The following EXOG variants were observed in gnomAD, a reference collection of about 807,000 sequenced individuals.
EXOG encodes nuclease EXOG, mitochondrial.
EXOG carries 27 observed loss-of-function variants against 25.8 expected under a neutral mutation model. The observed-to-expected ratio is 1.05, with a 90% CI of 0.77 to 1.45. EXOG has a LOEUF of 1.45. Among genes scored for constraint, EXOG ranks in the 40% most tolerant of loss-of-function variants. EXOG has a pLI of 0.00. For missense variants in EXOG, 458 were observed against 450.5 expected, an observed-to-expected ratio of 1.02 and a Z score of -0.15; for synonymous variants, 133 against 167.0, an observed-to-expected ratio of 0.80 and a Z score of 1.57.
intron 4 of EXOG, among the ~76,000 whole-genome samples, chr3:38,504,843 G>T (rs2060155301): frequency 6.6e-6 from 1 of 152,116 alleles, no homozygotes; most frequent in Non-Finnish European, 1.5e-5. Flanking sequence ...ACGGTTTGAG[G>T]TTCTTTCAGG....
chr3:38,498,965 TTCTC>T (rs780940535), intron 2 of EXOG: 4 of 456,596 alleles, frequency 8.8e-6, no homozygotes, highest in African/African-American at 8.0e-5. Flanking sequence ...TCATTGTTTC[TTCTC>T]TCTCTCAACC....
intron 1 of EXOG, chr3:38,496,828 G>C: frequency 1.4e-6 from 2 of 1,381,762 alleles, no homozygotes; most frequent in South Asian, 1.2e-5. Context: ...TTTAATGTCT[G>C]TGTTCTCTAC....
intron 2 of EXOG, 142 bp downstream of exon 2, chr3:38,497,920 T>A: frequency 9.2e-7 from 1 of 1,085,902 alleles, no homozygotes; most frequent in Non-Finnish European, 1.3e-6. Flanking sequence ...ACTTACTGGT[T>A]AAATCAACCC....
At chr3:38,502,736 C>T (rs936950716) in intron 3 of EXOG, among the ~76,000 whole-genome samples, 6 of 151,988 alleles carry the variant, frequency 3.9e-5, no homozygotes, top group Non-Finnish European at 8.8e-5. Flanking sequence ...TTTTTTGATT[C>T]AGTATTCAAT....
At position 38,524,274 on chromosome 3, in the gene EXOG, A is replaced by G. The variant is rs775732431; in HGVS notation, c.1019A>G (p.Asp340Gly). The change falls in exon 6 of 6, where the codon GAT becomes GGT. Residue 340 changes from aspartate to glycine, a missense_variant. Asp to Gly is a moderately conservative substitution (Grantham distance 94). Transcript: ENST00000287675. Reference protein sequence around the residue: ...ENLKNAEIEPDDYFMSRYEKK... With the variant: ...ENLKNAEIEPGDYFMSRYEKK... ...TTGAAGAATGCAGAGATTGAACCAGATGATTACTTTATGAGTCGCTATGAG... is the reference window on the plus strand; with the variant it reads ...TTGAAGAATGCAGAGATTGAACCAGGTGATTACTTTATGAGTCGCTATGAG... 12 of 1,614,096 alleles carry G rather than the reference A, an allele frequency of 7.4e-6. No individual in the cohort carries two copies. The highest frequency in any genetic ancestry group is 1.7e-5 in the Admixed American group (1 of 60,000).
intron 5 of EXOG, among the ~76,000 whole-genome samples, chr3:38,515,200 G>C (rs1448320140): frequency 1.3e-5 from 2 of 152,150 alleles, no homozygotes; most frequent in Non-Finnish European, 2.9e-5. Flanking sequence ...CTCTGAAGAT[G>C]CGCTCAGGAA....
chr3:38,502,605 A>G (rs572200660), intron 3 of EXOG, among the ~76,000 whole-genome samples: 1 of 152,330 alleles, frequency 6.6e-6, no homozygotes, highest in East Asian at 1.9e-4. Flanking sequence ...GTATATATAA[A>G]TACAAGTATC....
At chr3:38,512,783 G>GTATA (rs143766396) in intron 5 of EXOG, among the ~76,000 whole-genome samples, 7 of 150,918 alleles carry the variant, frequency 4.6e-5, no homozygotes, top group Non-Finnish European at 8.9e-5. Flanking sequence ...GGCTCACATG[G>GTATA]TATATATATA....
intron 5 of EXOG, among the ~76,000 whole-genome samples, chr3:38,519,834 G>A (rs1021756742): frequency 2.0e-5 from 3 of 152,148 alleles, no homozygotes; most frequent in African/African-American, 7.2e-5. Context: ...AACACAGGGG[G>A]CGACCACATT....
intron 2 of EXOG, among the ~76,000 whole-genome samples, chr3:38,501,011 A>T: frequency 6.6e-6 from 1 of 152,206 alleles, no homozygotes. Flanking sequence ...TTTAAAAAAC[A>T]AGAGTTTATT....
rs984826078 is a variant in EXOG, at chr3:38,525,593, A to T, written c.*1231A>T. On this transcript the variant is annotated 3_prime_UTR_variant, in exon 6 of 6. Coordinates refer to ENST00000287675, the MANE Select transcript of EXOG (RefSeq NM_005107.4). ...TCTTTTAGTGACCAGATACTGCCAA[A>T]TTGATGTGTTCTTGCTTTCCAGGTG... is the stretch of plus-strand genomic sequence containing the variant. 2.0e-6 allele frequency: 2 copies of T among 985,232 alleles called. No homozygotes were observed. Among genetic ancestry groups the T allele is most frequent in the Non-Finnish European group, 1.2e-6 (1 of 829,918 alleles). The allele number at this position is 985,232 out of a possible 1,614,324, so 61.0% of individuals were successfully genotyped here.
At chr3:38,501,315 G>C in intron 2 of EXOG, 40 bp from the exon 3 acceptor site, 1 of 1,591,352 alleles carries the variant, frequency 6.3e-7, no homozygotes, top group Non-Finnish European at 8.6e-7. Flanking sequence ...AGGGACATTT[G>C]TCTACTGATA....
chr3:38,497,547 C>G, intron 1 of EXOG, 82 bp from the exon 2 acceptor site: 2 of 1,472,534 alleles, frequency 1.4e-6, no homozygotes, highest in Non-Finnish European at 1.8e-6. Flanking sequence ...TCCTTATAAT[C>G]TTTCATTATT....
In EXOG at chr3:38,526,197, A is replaced by C. The variant is rs2125813266; in HGVS notation, c.*1835A>C. ...ATAAGAACTTGTCTGAATCTGTCAT[A>C]CATACCACTGCTGTCTTTTCCGAGT... On this transcript the variant is annotated 3_prime_UTR_variant, in exon 6 of 6. Coordinates refer to ENST00000287675, the MANE Select transcript of EXOG (RefSeq NM_005107.4). The C allele has an allele frequency of 2.0e-6, 2 of 985,196 alleles. No homozygotes were observed. The highest frequency in any genetic ancestry group is 3.5e-5 in the African/African-American group (2 of 57,352). The allele number at this position is 985,196 out of a possible 1,614,324, so 61.0% of individuals were successfully genotyped here.
chr3:38,497,948 G>C (rs1363063723), intron 2 of EXOG, 170 bp downstream of exon 2: 5 of 782,176 alleles, frequency 6.4e-6, no homozygotes, highest in Non-Finnish European at 9.4e-6. Flanking sequence ...CAGCCAGAAA[G>C]CCAGACCCTT....
rs1041748151 is a variant in EXOG, at chr3:38,525,476, C to G, written c.*1114C>G. The G allele has an allele frequency of 3.0e-6, 3 of 985,232 alleles. No individual in the cohort carries two copies. The African/African-American group carries it at 5.2e-5, about 17-fold the overall frequency. 61.0% of individuals were successfully genotyped at this position (985,232 alleles called of 1,614,324 possible). A position where few individuals can be genotyped will look rare whatever the true frequency, so the allele number is the denominator to read the frequency against. On this transcript the variant is annotated 3_prime_UTR_variant, in exon 6 of 6. Coordinates refer to ENST00000287675, the MANE Select transcript of EXOG (RefSeq NM_005107.4). ...TCTTTGAATTGAACCCTCCTTAGCT[C>G]TGTGGAAAGAGACAGTCAGGAATAT...
intron 1 of EXOG, chr3:38,497,308 C>T: frequency 9.3e-7 from 1 of 1,072,742 alleles, no homozygotes. Flanking sequence ...TGCAACAGCA[C>T]ACATATCAGT....
intron 5 of EXOG, among the ~76,000 whole-genome samples, chr3:38,513,012 A>G (rs1253409474): frequency 2.0e-5 from 3 of 152,154 alleles, no homozygotes; most frequent in Non-Finnish European, 4.4e-5. Flanking sequence ...ATGTTGCCCC[A>G]GCTGGCCTTA....
At chr3:38,515,644 C>A in intron 5 of EXOG, 1 of 161,828 alleles carries the variant, frequency 6.2e-6, no homozygotes. Flanking sequence ...CTCAGTGGAC[C>A]TACTCAGCAC....
Sources: gnomAD v4.1 joint callset for allele counts (sites outside exome capture counted in the v4.1 genomes callset) on GRCh38, gnomAD v4.1.1 for gene constraint, MANE v1.5 for transcripts, NCBI Gene and HGNC (gene_info 2026-07-23, HGNC 2026-07-21) for gene names.